The following E2F7 variants were observed in gnomAD, a reference collection of about 807,000 sequenced individuals.
The protein encoded by E2F7 is transcription factor E2F7.
In E2F7, 35 loss-of-function variants were observed where a neutral mutation model predicts 81.1. The observed-to-expected ratio is 0.43, with a 90% CI of 0.33 to 0.57. The LOEUF (loss-of-function observed/expected upper bound fraction) is 0.57, where lower values mean the gene tolerates loss of function less well. Ranked by LOEUF, E2F7 falls within the 20% of genes least tolerant of loss-of-function variation. The pLI is 0.04. For missense variants in E2F7, 961 were observed against 1,093.7 expected, an observed-to-expected ratio of 0.88 and a Z score of 1.71; for synonymous variants, 416 against 416.2, an observed-to-expected ratio of 1.00 and a Z score of 0.01.
chr12:77,024,135 C>T lies in E2F7; in HGVS notation c.2616G>A (p.Thr872=), dbSNP rs763309583. ...CAAGGCTGCCGGGTGTCTTGAAAAACGTCTCACGATGTGTGCGTTGGATGC... is the reference window on the plus strand; with the variant it reads ...CAAGGCTGCCGGGTGTCTTGAAAAATGTCTCACGATGTGTGCGTTGGATGC... ...PKSIQRTHRE[T]FFKTPGSLGD... is the part of the protein sequence containing the mutation. Residue 872 remains threonine, a synonymous_variant, in exon 13 of 13, where the codon ACG becomes ACA. Coordinates refer to ENST00000322886, the MANE Select transcript of E2F7 (RefSeq NM_203394.3). The T allele has an allele frequency of 1.1e-5, 17 of 1,613,848 alleles. No individual in the cohort carries two copies. In the South Asian group the frequency reaches 1.3e-4, roughly 13 times the overall value.
chr12:77,023,857 C>T lies in E2F7; in HGVS notation c.*158G>A. The T allele has an allele frequency of 1.1e-6, 1 of 896,242 alleles. No homozygotes were observed. Among genetic ancestry groups the T allele is most frequent in the South Asian group, 1.8e-5 (1 of 54,442 alleles). 55.5% of individuals were successfully genotyped at this position (896,242 alleles called of 1,614,324 possible). ...TATTAAATGCACAATTAATTACTTT[C>T]AGGAAATCAGATGATTGATGGTGGT... is the stretch of plus-strand genomic sequence containing the variant. On this transcript the variant is annotated 3_prime_UTR_variant, in exon 13 of 13. Coordinates refer to ENST00000322886, the MANE Select transcript of E2F7 (RefSeq NM_203394.3).
chr12:77,063,325 G>T (rs1565916105), intron 2 of E2F7, among the ~76,000 whole-genome samples: 1 of 152,158 alleles, frequency 6.6e-6, no homozygotes, highest in Non-Finnish European at 1.5e-5. Flanking sequence ...CGTACGCCAA[G>T]GTTGCTAAGA....
Position 77,030,065 on chromosome 12 carries a change from G to A in E2F7, c.1650C>T (p.Pro550=). Residue 550 remains proline (P), a synonymous_variant, in exon 10 of 13, where the codon CCC becomes CCT. Transcript: ENST00000322886. ...CATACAGCATGAACAGTGAGGCAGA[G>A]GGCACATACACTAGAGGCTGGCCAG... ...LLAGQPLVYV[P]SASLFMLYGS... The A allele has an allele frequency of 1.9e-6, 3 of 1,614,184 alleles. No individual in the cohort carries two copies. Among genetic ancestry groups the A allele is most frequent in the Non-Finnish European group, 1.7e-6 (2 of 1,180,032 alleles).
rs552635502 is a variant in E2F7, at chr12:77,028,569, A to G, written c.1885-431T>C. Reference sequence around the variant, plus strand: ...TGCAAGCTCTGCCTCCTGGGTTCACACCATTCTCCTGCCTCAGCCTCCTGA... The same window carrying G: ...TGCAAGCTCTGCCTCCTGGGTTCACGCCATTCTCCTGCCTCAGCCTCCTGA... On this transcript the variant is annotated intron_variant, in intron 10 of 12. Coordinates refer to ENST00000322886, the MANE Select transcript of E2F7 (RefSeq NM_203394.3). Among the ~76,000 whole-genome samples the G allele has an allele frequency of 1.3e-3, 199 of 150,398 alleles. 7 individuals are homozygous for G. In the South Asian group the frequency reaches 0.041, roughly 31 times the overall value.
At chr12:77,034,412 G>A (rs769283130) in intron 7 of E2F7, among the ~76,000 whole-genome samples, 62 of 152,196 alleles carry the variant, frequency 4.1e-4, no homozygotes, top group Non-Finnish European at 1.6e-4. Context: ...AGCCCAACAT[G>A]CATATTTTGA....
At position 77,044,710 on chromosome 12, in the gene E2F7, A is replaced by C. The variant is rs1288406871; in HGVS notation, c.915T>G (p.Ile305Met). 3.7e-6 allele frequency: 6 copies of C among 1,614,138 alleles called. No individual in the cohort carries two copies. The South Asian group carries it at 6.6e-5, about 18-fold the overall frequency. The change falls in exon 6 of 13, where the codon ATT becomes ATG. Residue 305 changes from isoleucine (I) to methionine (M), a missense_variant. By Grantham distance (10) the Ile-to-Met change is conservative. This residue lies in a region of E2F7 where 301 missense variants were observed against 405.0 expected (regional missense o/e 0.74). Coordinates refer to ENST00000322886, the MANE Select transcript of E2F7 (RefSeq NM_203394.3). The part of the protein sequence containing the change: ...VMLFLVSKTK[I>M]VTLDVAAKIL... The stretch of plus-strand genomic sequence containing the variant: ...TTTTGGCAGCCACATCCAGAGTGAC[A>C]ATCTTGGTTTTGGAGACGAGGAACA...
chr12:77,062,503 T>G (rs1955086611), intron 2 of E2F7, among the ~76,000 whole-genome samples: 1 of 152,200 alleles, frequency 6.6e-6, no homozygotes, highest in African/African-American at 2.4e-5. Flanking sequence ...TGTTCTCATC[T>G]CTTGCCTTCT....
chr12:77,045,869 G>T, intron 5 of E2F7, 169 bp downstream of exon 5: 2 of 825,340 alleles, frequency 2.4e-6, no homozygotes, highest in Non-Finnish European at 1.8e-6. Flanking sequence ...GGTCAAGTGG[G>T]CAGTCCAGTT....
At chr12:77,029,027 AGG>A (rs1382698649) in intron 10 of E2F7, among the ~76,000 whole-genome samples, 1 of 152,226 alleles carries the variant, frequency 6.6e-6, no homozygotes, top group Non-Finnish European at 1.5e-5. Context: ...ACACACATAA[AGG>A]GTGTTGATAC....
chr12:77,024,631 C>T (rs1954743718), intron 12 of E2F7, among the ~76,000 whole-genome samples: 1 of 152,156 alleles, frequency 6.6e-6, no homozygotes, highest in South Asian at 2.1e-4. Flanking sequence ...ATATTTATCC[C>T]CTAATGTTAA....
intron 2 of E2F7, among the ~76,000 whole-genome samples, chr12:77,058,929 C>T (rs1383482060): frequency 6.6e-6 from 1 of 152,146 alleles, no homozygotes; most frequent in East Asian, 1.9e-4. Flanking sequence ...TCTTGTTCAT[C>T]GCAATTTTTG....
chr12:77,057,854 G>A (rs1955046298), intron 2 of E2F7, among the ~76,000 whole-genome samples: 1 of 152,192 alleles, frequency 6.6e-6, no homozygotes, highest in African/African-American at 2.4e-5. Flanking sequence ...AGGTAGATGA[G>A]TTCTCAGTCA....
At chr12:77,049,227 G>T (rs1954966464) in intron 4 of E2F7, among the ~76,000 whole-genome samples, 1 of 152,128 alleles carries the variant, frequency 6.6e-6, no homozygotes. Context: ...CCAGCAAGGG[G>T]ACCCAATTTT....
In E2F7 at chr12:77,024,007, G is replaced by C; in HGVS notation, c.*8C>G. On this transcript the variant is annotated 3_prime_UTR_variant, in exon 13 of 13. Transcript: ENST00000322886. ...TTTGATCCCACCCCCACCTGGCAAA[G>C]CGGCAGGTTAGTCAGCGCCGCCGCT... The C allele has an allele frequency of 3.7e-6, 6 of 1,612,036 alleles. No individual in the cohort carries two copies. The highest frequency in any genetic ancestry group is 5.1e-6 in the Non-Finnish European group (6 of 1,179,402).
rs140519719 is a variant in E2F7 at position 77,023,380 on chromosome 12, A to C, written c.*635T>G. ...TTTGGTCTTGACATGTGTCATGTAG[A>C]TACATTTATCCACATTATTACTAGG... is the stretch of plus-strand genomic sequence containing the variant. On this transcript the variant is annotated 3_prime_UTR_variant, in exon 13 of 13. Transcript: ENST00000322886. 2.9e-4 allele frequency: 44 copies of C among 152,842 alleles called. No homozygotes were observed. The highest frequency in any genetic ancestry group is 1.1e-3 in the African/African-American group (44 of 41,588). The allele number at this position is 152,842 out of a possible 1,614,324, so 9.5% of individuals were successfully genotyped here. A position where few individuals can be genotyped will look rare whatever the true frequency, so the allele number is the denominator to read the frequency against.
chr12:77,060,841 A>G (rs1281452325), intron 2 of E2F7, among the ~76,000 whole-genome samples: 1 of 152,078 alleles, frequency 6.6e-6, no homozygotes, highest in Admixed American at 6.5e-5. Flanking sequence ...CCTACCTCCT[A>G]GGGGTCCCTC....
intron 7 of E2F7, among the ~76,000 whole-genome samples, chr12:77,037,067 C>T (rs1005941279): frequency 1.3e-5 from 2 of 152,020 alleles, no homozygotes; most frequent in Non-Finnish European, 2.9e-5. Context: ...AATTCTTTAC[C>T]CAGCAAAAAT....
rs776082624 is a variant in E2F7 at position 77,046,010 on chromosome 12, A to G, written c.829+28T>C. The G allele has an allele frequency of 3.1e-6, 5 of 1,599,556 alleles. No individual in the cohort carries two copies. The African/African-American group carries it at 5.4e-5, about 17-fold the overall frequency. The stretch of plus-strand genomic sequence containing the variant: ...GACCATCACTTGCTCTTTCTCTGCC[A>G]TTACTCATGAAGTTACAATGGACTC... On this transcript the variant is annotated intron_variant, in intron 5 of 12. Transcript: ENST00000322886.
chr12:77,044,990 A>C (rs918897243), intron 5 of E2F7, among the ~76,000 whole-genome samples, 195 bp from the exon 6 acceptor site: 1 of 152,188 alleles, frequency 6.6e-6, no homozygotes, highest in African/African-American at 2.4e-5. Flanking sequence ...TGGCTTGTAA[A>C]ATTACTCTAC....
Sources: gnomAD v4.1 joint callset for allele counts (sites outside exome capture counted in the v4.1 genomes callset) on GRCh38, gnomAD v4.1.1 for gene constraint, gnomAD v4.1.1 regional missense constraint, MANE v1.5 for transcripts, NCBI Gene and HGNC (gene_info 2026-07-23, HGNC 2026-07-21) for gene names.